PDXDC1: variants seen among roughly 807,000 people sequenced by gnomAD.
PDXDC1 encodes pyridoxal-dependent decarboxylase domain-containing protein 1.
Under a neutral mutation model 100.1 loss-of-function variants are expected in PDXDC1, and 42 were observed. The ratio of observed to expected loss-of-function variants is 0.42; its 90% CI spans 0.33 to 0.54. PDXDC1 has a LOEUF of 0.54. Ranked by LOEUF, PDXDC1 falls within the 20% of genes least tolerant of loss-of-function variation. The pLI is 0.10. For missense variants in PDXDC1, 636 were observed against 979.2 expected (o/e 0.65, Z 4.68); for synonymous variants, 260 against 371.7 (o/e 0.70, Z 3.46).
chr16:15,012,851 T>TA (rs34263288), intron 8 of PDXDC1, among the ~76,000 whole-genome samples: 379 of 146,522 alleles, frequency 2.6e-3, no homozygotes, highest in African/African-American at 7.1e-3. Flanking sequence ...GATCCTTTCT[T>TA]AAAAAAAAAA....
intron 1 of PDXDC1, among the ~76,000 whole-genome samples, chr16:14,980,164 G>A (rs557351163): frequency 7.2e-5 from 11 of 152,410 alleles, no homozygotes; most frequent in Admixed American, 2.0e-4. Context: ...TGCAGGGGAA[G>A]TCAGTGGCAG....
chr16:15,131,246 T>A, intron 16 of PDXDC1: 4 of 1,592,606 alleles, frequency 2.5e-6, no homozygotes, highest in Non-Finnish European at 3.4e-6. Context: ...TTGGGCACCT[T>A]CACGGTGATG....
intron 16 of PDXDC1, among the ~76,000 whole-genome samples, chr16:15,065,058 C>T (rs1338163070): frequency 6.6e-6 from 1 of 151,474 alleles, no homozygotes; most frequent in East Asian, 2.0e-4. Flanking sequence ...CCCAGCTACT[C>T]GGGAGGCTGA....
At chr16:15,114,342 AC>A (rs1319889692) in intron 16 of PDXDC1, 7 of 752,366 alleles carry the variant, frequency 9.3e-6, no homozygotes, top group Middle Eastern at 4.1e-4. Flanking sequence ...TTTGGGTAAA[AC>A]CACATATTCA....
chr16:15,013,938 G>T (rs539991691), intron 8 of PDXDC1, among the ~76,000 whole-genome samples: 13 of 151,802 alleles, frequency 8.6e-5, no homozygotes, highest in Non-Finnish European at 1.8e-4. Flanking sequence ...CGGGTGCGGT[G>T]GCTCATGCAT....
intron 16 of PDXDC1, chr16:15,135,877 G>C (rs1314067480): frequency 1.5e-5 from 23 of 1,564,292 alleles, no homozygotes; most frequent in Admixed American, 1.2e-4. Context: ...CAAACACAAA[G>C]CAGTAGTGCC....
Position 15,132,870 on chromosome 16 carries a change from C to G in PDXDC1, c.1400-6009C>G, listed in dbSNP as rs1357873088. On this transcript the variant is annotated intron_variant, in intron 16 of 16. Coordinates refer to the PDXDC1 transcript ENST00000535621. ...TCTGCCGCCACGTCCAGGGCCCGCT[C>G]GTACTGGGGCAGGCAGGCGGCACAG... The G allele has an allele frequency of 6.3e-6, 10 of 1,591,020 alleles. No homozygotes were observed. In the South Asian group the frequency reaches 9.9e-5, roughly 16 times the overall value.
chr16:15,123,368 T>C (rs2047533615), intron 16 of PDXDC1: 5 of 1,141,982 alleles, frequency 4.4e-6, no homozygotes, highest in Non-Finnish European at 1.3e-6. Context: ...CCAGGGTTCC[T>C]CAAGGTCACT....
chr16:15,046,562 C>A (rs1480373947), intron 16 of PDXDC1, among the ~76,000 whole-genome samples: 6 of 152,092 alleles, frequency 3.9e-5, no homozygotes, highest in African/African-American at 1.4e-4. Context: ...AGGCTAGAGG[C>A]CGCTTCTTAT....
At chr16:15,042,441 C>T (rs1045858651), downstream of PDXDC1, among the ~76,000 whole-genome samples, 38 of 152,092 alleles carry the variant, frequency 2.5e-4, no homozygotes, top group African/African-American at 8.5e-4. Flanking sequence ...CCACCTGCCT[C>T]GGCTGCCCAA....
At chr16:14,993,293 TCCCCC>T in intron 1 of PDXDC1, among the ~76,000 whole-genome samples, 1 of 102,714 alleles carries the variant, frequency 9.7e-6, no homozygotes, top group South Asian at 3.8e-4. Context: ...CCCTCCTCCC[TCCCCC>T]CACCCCACAA....
At chr16:14,983,346 G>T (rs1235879375) in intron 1 of PDXDC1, among the ~76,000 whole-genome samples, 1 of 152,254 alleles carries the variant, frequency 6.6e-6, no homozygotes, top group Non-Finnish European at 1.5e-5. Flanking sequence ...GCCGAGGCGG[G>T]CAGATCATGA....
At chr16:15,027,666 T>C (rs924536297) in intron 14 of PDXDC1, among the ~76,000 whole-genome samples, 1 of 152,286 alleles carries the variant, frequency 6.6e-6, no homozygotes, top group Admixed American at 6.5e-5. Flanking sequence ...CTCGTCCCCG[T>C]GGTTGATGGC....
intron 16 of PDXDC1, chr16:15,133,787 G>C: frequency 1.3e-6 from 2 of 1,587,266 alleles, no homozygotes; most frequent in Admixed American, 1.8e-5. Context: ...AAGCAGGCCT[G>C]TACTCACCCG....
chr16:15,122,915 G>A (rs1231704568), intron 16 of PDXDC1, among the ~76,000 whole-genome samples: 3 of 149,228 alleles, frequency 2.0e-5, no homozygotes, highest in Non-Finnish European at 4.5e-5. Context: ...AGGAGGTGGA[G>A]GAGGAGGAGG....
downstream of PDXDC1, chr16:15,038,469 C>T (rs987705274): frequency 1.0e-5 from 7 of 693,646 alleles, no homozygotes; most frequent in Admixed American, 5.8e-5. Flanking sequence ...AGTTACTACC[C>T]GCCAAAGGGA....
At chr16:15,009,875 C>T in intron 8 of PDXDC1, 116 bp downstream of exon 8, 1 of 1,538,780 alleles carries the variant, frequency 6.5e-7, no homozygotes, top group Non-Finnish European at 8.7e-7. Context: ...TTAAGATAGT[C>T]CATATCCACA....
intron 16 of PDXDC1, among the ~76,000 whole-genome samples, chr16:15,098,540 C>T (rs1279446637): frequency 6.6e-6 from 1 of 151,980 alleles, no homozygotes; most frequent in Non-Finnish European, 1.5e-5. Context: ...CATCTGGATC[C>T]TCCCTACCTT....
chr16:15,002,976 C>T (rs1201416390), intron 4 of PDXDC1, among the ~76,000 whole-genome samples: 1 of 152,268 alleles, frequency 6.6e-6, no homozygotes, highest in Non-Finnish European at 1.5e-5. Context: ...TAGGAACTGT[C>T]TGTTGCCCAT....
Sources: gnomAD v4.1 joint callset for allele counts (sites outside exome capture counted in the v4.1 genomes callset) on GRCh38, gnomAD v4.1.1 for gene constraint, MANE v1.5 for transcripts, NCBI Gene and HGNC (gene_info 2026-07-23, HGNC 2026-07-21) for gene names.